Variants in FAM184A observed in about 807,000 individuals in gnomAD.
The protein encoded by FAM184A is protein FAM184A.
In FAM184A, 99 loss-of-function variants were observed where a neutral mutation model predicts 143.8. That is an observed-to-expected ratio of 0.69 (90% CI 0.58 to 0.81). The LOEUF (loss-of-function observed/expected upper bound fraction) is 0.81. FAM184A is among the 40% of genes least tolerant of loss of function. The pLI, the probability that FAM184A is intolerant of heterozygous loss-of-function variation, is 0.00. For missense variants in FAM184A, 1,217 were observed against 1,310.5 expected (o/e 0.93, Z 1.10); for synonymous variants, 427 against 446.4 (o/e 0.96, Z 0.55).
At position 118,980,213 on chromosome 6, in the gene FAM184A, T is replaced by C. The variant is rs1292279019; in HGVS notation, c.2226A>G (p.Gln742=). The change falls in exon 10 of 18, where the codon CAA becomes CAG. Residue 742 remains glutamine, a synonymous_variant. Transcript: ENST00000338891. ...ELEELEEQHQ[Q]RHKSLKEAHV... is the part of the protein sequence containing the mutation. ...GTGCTTCTTTTAATGATTTGTGTCTTTGCTGATGTTGCTCCTCTAATTCTT... is the reference window on the plus strand; with the variant it reads ...GTGCTTCTTTTAATGATTTGTGTCTCTGCTGATGTTGCTCCTCTAATTCTT... The C allele has an allele frequency of 2.5e-6, 4 of 1,614,076 alleles. No individual in the cohort carries two copies. The highest frequency in any genetic ancestry group is 4.5e-5 in the East Asian group (2 of 44,896).
chr6:119,010,135 C>G (rs1177404007), intron 6 of FAM184A, among the ~76,000 whole-genome samples: 3 of 152,306 alleles, frequency 2.0e-5, no homozygotes, highest in African/African-American at 4.8e-5. Flanking sequence ...GACTCCCTTT[C>G]TTCCAGGCAG....
intron 1 of FAM184A, among the ~76,000 whole-genome samples, chr6:119,098,140 C>T (rs1453099914): frequency 6.6e-6 from 1 of 152,120 alleles, no homozygotes; most frequent in East Asian, 1.9e-4. Context: ...CCATACTGTA[C>T]TCGTGGTAGT....
intron 1 of FAM184A, among the ~76,000 whole-genome samples, chr6:119,090,446 G>T (rs922649168): frequency 2.0e-5 from 3 of 152,186 alleles, no homozygotes; most frequent in African/African-American, 7.2e-5. Context: ...TCCAGCAGGT[G>T]CTTGAGGGAA....
intron 1 of FAM184A, among the ~76,000 whole-genome samples, chr6:119,086,230 A>T (rs988087347): frequency 6.6e-6 from 1 of 152,232 alleles, no homozygotes; most frequent in African/African-American, 2.4e-5. Context: ...TTATGCAGAA[A>T]TATTTGTTGA....
chr6:119,000,893 A>T (rs2114635045), intron 9 of FAM184A, among the ~76,000 whole-genome samples: 1 of 151,418 alleles, frequency 6.6e-6, no homozygotes, highest in East Asian at 2.0e-4. Context: ...GACCAGTAGG[A>T]GTGAAGGCAG....
At chr6:118,997,950 CT>C (rs1784623626) in intron 9 of FAM184A, among the ~76,000 whole-genome samples, 1 of 152,158 alleles carries the variant, frequency 6.6e-6, no homozygotes, top group Non-Finnish European at 1.5e-5. Context: ...CTGAAACTGG[CT>C]TTTCAACTGC....
chr6:119,033,592 G>A (rs191381266), intron 1 of FAM184A, among the ~76,000 whole-genome samples: 1 of 150,958 alleles, frequency 6.6e-6, no homozygotes, highest in African/African-American at 2.4e-5. Flanking sequence ...TTGTACCCAG[G>A]AGGTGGAGGT....
chr6:119,120,195 C>T (rs917808932), intron 1 of FAM184A, among the ~76,000 whole-genome samples: 1 of 152,218 alleles, frequency 6.6e-6, no homozygotes, highest in African/African-American at 2.4e-5. Context: ...TTCCCAGCCC[C>T]TGGCAACCAC....
At chr6:119,110,094 G>C (rs1028648525) in intron 1 of FAM184A, among the ~76,000 whole-genome samples, 1 of 152,048 alleles carries the variant, frequency 6.6e-6, no homozygotes. Flanking sequence ...TATTTTTCTC[G>C]CATAACAGGA....
chr6:119,007,042 T>A (rs1784941996), intron 6 of FAM184A, among the ~76,000 whole-genome samples: 1 of 152,200 alleles, frequency 6.6e-6, no homozygotes, highest in African/African-American at 2.4e-5. Context: ...TAAATTTAGG[T>A]CAATATTGAT....
chr6:119,088,598 A>T (rs1275790880), intron 1 of FAM184A, among the ~76,000 whole-genome samples: 1 of 152,214 alleles, frequency 6.6e-6, no homozygotes, highest in African/African-American at 2.4e-5. Flanking sequence ...TGTACTAAAG[A>T]TCTACAAAAA....
chr6:118,980,399 C>G, intron 9 of FAM184A, 49 bp from the exon 10 acceptor site: 7 of 1,430,780 alleles, frequency 4.9e-6, no homozygotes, highest in Non-Finnish European at 6.9e-6. Flanking sequence ...AGGCATAGTT[C>G]ACAAACTACC....
At chr6:119,092,612 T>G (rs1485086235) in intron 1 of FAM184A, among the ~76,000 whole-genome samples, 1 of 152,150 alleles carries the variant, frequency 6.6e-6, no homozygotes, top group Non-Finnish European at 1.5e-5. Flanking sequence ...TCACCTCAGA[T>G]CCTGTATCTA....
intron 1 of FAM184A, among the ~76,000 whole-genome samples, chr6:119,101,723 G>T (rs1365044382): frequency 1.3e-5 from 2 of 152,102 alleles, no homozygotes; most frequent in Non-Finnish European, 2.9e-5. Context: ...GGGATACATA[G>T]TAGGAGACAA....
intron 1 of FAM184A, among the ~76,000 whole-genome samples, chr6:119,048,654 C>G (rs1231217585): frequency 1.3e-5 from 2 of 152,052 alleles, no homozygotes; most frequent in Middle Eastern, 3.2e-3. Flanking sequence ...AATAAAATAC[C>G]TAAGAATACC....
upstream of FAM184A, among the ~76,000 whole-genome samples, chr6:119,083,593 G>C (rs558132166): frequency 1.3e-5 from 2 of 152,218 alleles, no homozygotes; most frequent in African/African-American, 4.8e-5. Flanking sequence ...AAGTTCCACA[G>C]ATCTCTAGGG....
chr6:119,055,502 C>T (rs973189124), intron 1 of FAM184A, among the ~76,000 whole-genome samples: 1 of 152,184 alleles, frequency 6.6e-6, no homozygotes, highest in Non-Finnish European at 1.5e-5. Context: ...ATTTTATAAA[C>T]CCACCAACAA....
chr6:119,087,632 G>A (rs1788255122), intron 1 of FAM184A, among the ~76,000 whole-genome samples: 1 of 152,214 alleles, frequency 6.6e-6, no homozygotes, highest in African/African-American at 2.4e-5. Flanking sequence ...TGGGATCCCT[G>A]TGGTTGAAAT....
At chr6:118,975,328 C>G in intron 12 of FAM184A, 120 bp from the exon 13 acceptor site, 2 of 703,892 alleles carry the variant, frequency 2.8e-6, no homozygotes, top group Non-Finnish European at 4.6e-6. Context: ...ATTGCTTCTT[C>G]AAAAGCAAAC....
Sources: allele counts gnomAD v4.1 joint callset (sites outside exome capture counted in the v4.1 genomes callset), GRCh38; gene constraint gnomAD v4.1.1; transcripts MANE v1.5; gene names NCBI Gene and HGNC (gene_info 2026-07-23, HGNC 2026-07-21).